The following LYPLAL1 variants were observed in gnomAD, a reference collection of about 807,000 sequenced individuals.
LYPLAL1 encodes lysophospholipase-like protein 1.
LYPLAL1 carries 23 observed loss-of-function variants against 19.7 expected under a neutral mutation model. The observed-to-expected ratio is 1.17, with a 90% CI of 0.84 to 1.65. The LOEUF (loss-of-function observed/expected upper bound fraction) is 1.65. Among genes scored for constraint, LYPLAL1 ranks in the 40% most tolerant of loss-of-function variants. The pLI is 0.00. For synonymous variants in LYPLAL1, 119 were observed against 96.3 expected, an observed-to-expected ratio of 1.24 and a Z score of -1.38; for missense variants, 355 against 279.4, an observed-to-expected ratio of 1.27 and a Z score of -1.93.
the LYPLAL1 span, among the ~76,000 whole-genome samples, chr1:219,427,353 TA>T: frequency 6.6e-6 from 1 of 152,226 alleles, no homozygotes; most frequent in Admixed American, 6.5e-5. Flanking sequence ...ATTTATGGGT[TA>T]CTCCTTTTGA....
At chr1:219,431,843 C>G in the LYPLAL1 span, among the ~76,000 whole-genome samples, 2 of 152,178 alleles carry the variant, frequency 1.3e-5, no homozygotes, top group African/African-American at 2.4e-5. Context: ...AATCCTTGCT[C>G]CAGCAGTTGC....
At chr1:219,409,651 G>A in the LYPLAL1 span, 1 of 152,178 alleles carries the variant, frequency 6.6e-6, no homozygotes, top group Non-Finnish European at 1.5e-5. Context: ...TTAGTGAGAT[G>A]GGTCTCTTCA....
chr1:219,198,826 T>C (rs926735574), intron 3 of LYPLAL1: 5 of 152,208 alleles, frequency 3.3e-5, no homozygotes, highest in Admixed American at 6.5e-5. Flanking sequence ...GTTGGTTAAG[T>C]TGAAAAAAAG....
At chr1:219,197,208 A>G (rs1327285190) in intron 3 of LYPLAL1, among the ~76,000 whole-genome samples, 1 of 152,236 alleles carries the variant, frequency 6.6e-6, no homozygotes, top group Non-Finnish European at 1.5e-5. Flanking sequence ...TGGAGGCATC[A>G]TGCTACCCAA....
chr1:219,383,820 C>T, the LYPLAL1 span, among the ~76,000 whole-genome samples: 6 of 152,242 alleles, frequency 3.9e-5, no homozygotes, highest in African/African-American at 1.2e-4. Context: ...GAATATTCAA[C>T]GTGAGCTTGA....
At chr1:219,291,992 C>G in the LYPLAL1 span, among the ~76,000 whole-genome samples, 4 of 152,172 alleles carry the variant, frequency 2.6e-5, no homozygotes, top group Non-Finnish European at 5.9e-5. Flanking sequence ...ATCCCAGGCA[C>G]TTATGAATAT....
intron 1 of LYPLAL1, among the ~76,000 whole-genome samples, chr1:219,176,706 A>AGG (rs1655844422): frequency 3.3e-5 from 5 of 152,140 alleles, no homozygotes; most frequent in African/African-American, 1.2e-4. Flanking sequence ...GAAGTCTCCT[A>AGG]GAGATACCCA....
chr1:219,299,654 T>C, the LYPLAL1 span, among the ~76,000 whole-genome samples: 13 of 152,184 alleles, frequency 8.5e-5, no homozygotes, highest in African/African-American at 3.1e-4. Context: ...GACTGTAAAG[T>C]TGGTTCTCTT....
chr1:219,420,788 CT>C, the LYPLAL1 span, among the ~76,000 whole-genome samples: 3 of 152,092 alleles, frequency 2.0e-5, no homozygotes. Context: ...ACTATGGCAT[CT>C]TTTAAAATTT....
At chr1:219,439,974 C>CACATATATATATAT in the LYPLAL1 span, among the ~76,000 whole-genome samples, 1 of 100,180 alleles carries the variant, frequency 1.0e-5, no homozygotes, top group African/African-American at 4.4e-5. Flanking sequence ...TATATATATA[C>CACATATATATATAT]ATATATATAT....
the LYPLAL1 span, among the ~76,000 whole-genome samples, chr1:219,305,348 A>G: frequency 6.6e-6 from 1 of 152,264 alleles, no homozygotes; most frequent in East Asian, 1.9e-4. Flanking sequence ...TGGTGTAGGA[A>G]GCATATAAGG....
At chr1:219,435,182 G>T in the LYPLAL1 span, 1 of 152,168 alleles carries the variant, frequency 6.6e-6, no homozygotes, top group African/African-American at 2.4e-5. Flanking sequence ...GGTCTTATTG[G>T]ATGCCAGAGA....
At position 219,212,382 on chromosome 1, in the gene LYPLAL1, T is replaced by A. The variant is rs1272851136; in HGVS notation, c.*654T>A. ...ATCTGTAAAATGATACTAATAGTAC[T>A]TATCCCATTGGATTTTTGTTGAGAT... On this transcript the variant is annotated 3_prime_UTR_variant, in exon 5 of 5. Transcript: ENST00000366928. The A allele has an allele frequency of 6.6e-6, 1 of 152,016 alleles. No individual in the cohort carries two copies. The highest frequency in any genetic ancestry group is 1.5e-5 in the Non-Finnish European group (1 of 67,922). 9.4% of individuals were successfully genotyped at this position (152,016 alleles called of 1,614,324 possible). A position where few individuals can be genotyped will look rare whatever the true frequency, so the allele number is the denominator to read the frequency against.
the LYPLAL1 span, among the ~76,000 whole-genome samples, chr1:219,333,711 C>T: frequency 6.6e-6 from 1 of 152,158 alleles, no homozygotes; most frequent in Admixed American, 6.6e-5. Flanking sequence ...CAAGGCAAAA[C>T]TCCTAGGTAT....
the LYPLAL1 span, among the ~76,000 whole-genome samples, chr1:219,424,263 G>A: frequency 6.6e-6 from 1 of 152,116 alleles, no homozygotes; most frequent in East Asian, 1.9e-4. Context: ...GACACTCTAG[G>A]TTAATCAGGA....
the LYPLAL1 span, among the ~76,000 whole-genome samples, chr1:219,355,345 G>C: frequency 1.3e-5 from 2 of 151,448 alleles, no homozygotes; most frequent in Non-Finnish European, 2.9e-5. Flanking sequence ...GAGATAAAAG[G>C]GAAACTAAAA....
At chr1:219,355,308 G>T in the LYPLAL1 span, among the ~76,000 whole-genome samples, 1 of 151,874 alleles carries the variant, frequency 6.6e-6, no homozygotes, top group Non-Finnish European at 1.5e-5. Context: ...AACATACAAA[G>T]ATATATTCAC....
the LYPLAL1 span, among the ~76,000 whole-genome samples, chr1:219,234,920 AT>A: frequency 6.6e-6 from 1 of 152,176 alleles, no homozygotes; most frequent in Non-Finnish European, 1.5e-5. Context: ...TCTTTTAAAA[AT>A]TTTTTAAGTT....
intron 2 of LYPLAL1, among the ~76,000 whole-genome samples, chr1:219,182,301 T>C (rs536317928): frequency 9.9e-5 from 15 of 152,280 alleles, no homozygotes; most frequent in South Asian, 8.3e-4. Context: ...TACTTTGCTG[T>C]TTTAAGACTT....
Sources: gnomAD v4.1 joint callset for allele counts (sites outside exome capture counted in the v4.1 genomes callset) on GRCh38, gnomAD v4.1.1 for gene constraint, MANE v1.5 for transcripts, NCBI Gene and HGNC (gene_info 2026-07-23, HGNC 2026-07-21) for gene names.